The following FXR1 variants were observed in gnomAD, a reference collection of about 807,000 sequenced individuals.
FXR1 encodes RNA-binding protein FXR1.
A neutral mutation model predicts 84.0 loss-of-function variants in FXR1; 15 were observed. The ratio of observed to expected loss-of-function variants is 0.18; its 90% CI spans 0.12 to 0.27. FXR1 has a LOEUF of 0.27. Ranked by LOEUF, FXR1 falls within the 10% of genes least tolerant of loss-of-function variation. The pLI, the probability that FXR1 is intolerant of heterozygous loss-of-function variation, is 1.00. For missense variants in FXR1, 480 were observed against 774.4 expected, an observed-to-expected ratio of 0.62 and a Z score of 4.51; for synonymous variants, 245 against 250.7, an observed-to-expected ratio of 0.98 and a Z score of 0.21.
At position 180,976,351 on chromosome 3, in the gene FXR1, A is replaced by C; in HGVS notation, c.*59A>C. On this transcript the variant is annotated 3_prime_UTR_variant, in exon 17 of 17. Transcript: ENST00000357559. ...ATTACATTTACAATAGTGCTTGTAC[A>C]AGCTTGCCAAAGATAGAATATGGAT... 2 of 1,140,358 alleles carry C rather than the reference A, an allele frequency of 1.8e-6. No individual in the cohort carries two copies. The highest frequency in any genetic ancestry group is 2.5e-6 in the Non-Finnish European group (2 of 809,558). The allele number at this position is 1,140,358 out of a possible 1,614,324, so 70.6% of individuals were successfully genotyped here.
chr3:180,938,677 T>G (rs1312580560), intron 3 of FXR1, among the ~76,000 whole-genome samples: 1 of 151,992 alleles, frequency 6.6e-6, no homozygotes, highest in East Asian at 1.9e-4. Context: ...GCCTCCCTAG[T>G]AGCTGGGATT....
chr3:180,958,024 G>T, intron 10 of FXR1, 96 bp downstream of exon 10: 4 of 498,688 alleles, frequency 8.0e-6, no homozygotes, highest in South Asian at 4.5e-5. Flanking sequence ...TGATACAGAG[G>T]GTTTTTCTTC....
In FXR1 at chr3:180,965,225, A is replaced by C. The variant is rs969062445; in HGVS notation, c.1198+2135A>C. Among the ~76,000 whole-genome samples the C allele has an allele frequency of 9.9e-5, 15 of 152,044 alleles. 1 individual carries two copies. The highest frequency in any genetic ancestry group is 7.2e-4 in the Admixed American group (11 of 15,252). The stretch of plus-strand genomic sequence containing the variant: ...GAGACAGGGTTTCTCCATGTTGGTC[A>C]GGCTCGTCTCAAACTCCAGACCTCA... On this transcript the variant is annotated intron_variant, in intron 13 of 16. Transcript: ENST00000357559.
At chr3:180,924,428 T>G (rs1010635706) in intron 1 of FXR1, among the ~76,000 whole-genome samples, 1 of 152,168 alleles carries the variant, frequency 6.6e-6, no homozygotes, top group African/African-American at 2.4e-5. Flanking sequence ...TAAAAAAGAT[T>G]GTTTGCTGTG....
intron 1 of FXR1, among the ~76,000 whole-genome samples, chr3:180,926,301 G>A (rs1468649613): frequency 3.3e-5 from 5 of 151,974 alleles, no homozygotes; most frequent in South Asian, 2.1e-4. Context: ...AGTAATGTGC[G>A]TCTGATACTT....
intron 14 of FXR1, among the ~76,000 whole-genome samples, chr3:180,969,386 G>A (rs1245899379): frequency 6.6e-6 from 1 of 152,152 alleles, no homozygotes; most frequent in African/African-American, 2.4e-5. Flanking sequence ...AGGAAAAATC[G>A]GAATTAGGTG....
rs1714503242 is a variant in FXR1, at chr3:180,979,516, A to G, written c.*3224A>G. The G allele has an allele frequency of 6.6e-6, 1 of 151,994 alleles. No individual in the cohort carries two copies. Among genetic ancestry groups the G allele is most frequent in the African/African-American group, 2.4e-5 (1 of 41,396 alleles). The allele number at this position is 151,994 out of a possible 1,614,324, so 9.4% of individuals were successfully genotyped here. On this transcript the variant is annotated 3_prime_UTR_variant, in exon 17 of 17. Transcript: ENST00000357559. ...GATCCCTTACGCTTTTTCGTTAAGA[A>G]TATCTGTCTGCTATAGTGAATTTGC...
At chr3:180,916,570 G>T (rs1485074019) in intron 1 of FXR1, among the ~76,000 whole-genome samples, 1 of 152,102 alleles carries the variant, frequency 6.6e-6, no homozygotes, top group Non-Finnish European at 1.5e-5. Flanking sequence ...AACATGGCCG[G>T]CTAATTTTTG....
intron 1 of FXR1, among the ~76,000 whole-genome samples, chr3:180,926,420 T>C (rs1719183170): frequency 6.7e-6 from 1 of 149,678 alleles, no homozygotes; most frequent in South Asian, 2.1e-4. Context: ...ACTGGAGTCA[T>C]TAAAAAGTTG....
At position 180,981,634 on chromosome 3, in the gene FXR1, A is replaced by G. The variant is rs1714615065; in HGVS notation, c.*5342A>G. The G allele has an allele frequency of 6.7e-6, 1 of 148,914 alleles. No individual in the cohort carries two copies. The highest frequency in any genetic ancestry group is 1.5e-5 in the Non-Finnish European group (1 of 67,934). The allele number at this position is 148,914 out of a possible 1,614,324, so 9.2% of individuals were successfully genotyped here. Reference sequence around the variant, plus strand: ...AGGCTATAGATAGGAATTCCCCACAAACTTCTAATGAGGACTAATATGAAC... The same window carrying G: ...AGGCTATAGATAGGAATTCCCCACAGACTTCTAATGAGGACTAATATGAAC... On this transcript the variant is annotated 3_prime_UTR_variant, in exon 17 of 17. Transcript: ENST00000357559.
chr3:180,979,389 G>C lies in FXR1; in HGVS notation c.*3097G>C, dbSNP rs895854131. 3.3e-5 allele frequency: 5 copies of C among 152,014 alleles called. No individual in the cohort carries two copies. The highest frequency in any genetic ancestry group is 1.2e-4 in the African/African-American group (5 of 41,426). The allele number at this position is 152,014 out of a possible 1,614,324, so 9.4% of individuals were successfully genotyped here. On this transcript the variant is annotated 3_prime_UTR_variant, in exon 17 of 17. Transcript: ENST00000357559. ...TGGATTTTCTTCTGTAAAGTTTCAA[G>C]GAACTTGGATTTGAACTGTGAATCT...
chr3:180,958,197 T>C (rs1711576048), intron 10 of FXR1, among the ~76,000 whole-genome samples: 1 of 152,184 alleles, frequency 6.6e-6, no homozygotes, highest in South Asian at 2.1e-4. Flanking sequence ...TTATTTTTCA[T>C]ACGTAGAGTG....
chr3:180,970,385 T>G (rs1313572632), intron 15 of FXR1, 27 bp downstream of exon 15: 1 of 43,696 alleles, frequency 2.3e-5, no homozygotes. Flanking sequence ...GGAAGAGAAA[T>G]ATATATATAT....
chr3:180,972,244 CT>C (rs1409671884), intron 15 of FXR1, among the ~76,000 whole-genome samples: 1 of 152,102 alleles, frequency 6.6e-6, no homozygotes, highest in Non-Finnish European at 1.5e-5. Context: ...AGCAGGATTG[CT>C]TGAGCCCAGG....
intron 10 of FXR1, 48 bp from the exon 11 acceptor site, chr3:180,961,420 C>A: frequency 9.0e-6 from 8 of 891,058 alleles, no homozygotes; most frequent in South Asian, 4.5e-5. Flanking sequence ...TAGGCTAGAA[C>A]TTTGTTAAAA....
intron 13 of FXR1, among the ~76,000 whole-genome samples, chr3:180,967,258 C>G (rs1391696302): frequency 1.3e-5 from 2 of 152,088 alleles, no homozygotes; most frequent in Non-Finnish European, 1.5e-5. Context: ...GCTAGTAAAA[C>G]ATGCCATCAT....
chr3:180,926,135 A>T (rs1268497181), intron 1 of FXR1, among the ~76,000 whole-genome samples: 1 of 152,224 alleles, frequency 6.6e-6, no homozygotes, highest in African/African-American at 2.4e-5. Flanking sequence ...GCATAAAAAA[A>T]GTAATTTCTG....
At chr3:180,960,988 T>C (rs1405478446) in intron 10 of FXR1, among the ~76,000 whole-genome samples, 4 of 152,130 alleles carry the variant, frequency 2.6e-5, no homozygotes, top group Non-Finnish European at 5.9e-5. Context: ...CCTTAAATCT[T>C]GAAGTTTAGT....
chr3:180,922,621 G>C (rs1169330749), intron 1 of FXR1, among the ~76,000 whole-genome samples: 1 of 152,026 alleles, frequency 6.6e-6, no homozygotes, highest in Non-Finnish European at 1.5e-5. Flanking sequence ...TTAATTTTGA[G>C]ATAGGATCTC....
Sources: allele counts gnomAD v4.1 joint callset (sites outside exome capture counted in the v4.1 genomes callset), GRCh38; gene constraint gnomAD v4.1.1; transcripts MANE v1.5; gene names NCBI Gene and HGNC (gene_info 2026-07-23, HGNC 2026-07-21).